Variants in HCN1 observed in about 807,000 individuals in gnomAD.
HCN1 encodes hyperpolarization activated cyclic nucleotide gated potassium channel 1, also known as potassium/sodium hyperpolarization-activated cyclic nucleotide-gated channel 1.
HCN1 carries 13 observed loss-of-function variants against 78.9 expected under a neutral mutation model. The observed-to-expected ratio is 0.16, with a 90% CI of 0.11 to 0.26. The LOEUF is 0.26. Ranked by LOEUF, HCN1 falls within the 10% of genes least tolerant of loss-of-function variation. The pLI, the probability that HCN1 is intolerant of heterozygous loss-of-function variation, is 1.00. For missense variants in HCN1, 810 were observed against 1,154.3 expected, an observed-to-expected ratio of 0.70 and a Z score of 4.32; for synonymous variants, 552 against 455.5, an observed-to-expected ratio of 1.21 and a Z score of -2.70.
chr5:45,455,500 T>C (rs1257363942), intron 3 of HCN1, among the ~76,000 whole-genome samples: 1 of 151,968 alleles, frequency 6.6e-6, no homozygotes, highest in Admixed American at 6.6e-5. Flanking sequence ...GTGCCTAGAA[T>C]AATGTCTGGA....
At chr5:45,656,389 G>A (rs1340856279) in intron 1 of HCN1, among the ~76,000 whole-genome samples, 1 of 152,056 alleles carries the variant, frequency 6.6e-6, no homozygotes, top group Non-Finnish European at 1.5e-5. Context: ...TCTAGGTTAG[G>A]CTTTATAAAG....
At chr5:45,669,749 G>T (rs1467344197) in intron 1 of HCN1, among the ~76,000 whole-genome samples, 1 of 151,700 alleles carries the variant, frequency 6.6e-6, no homozygotes, top group Non-Finnish European at 1.5e-5. Context: ...TGAAAGCAAT[G>T]GTAATGAGGT....
intron 2 of HCN1, among the ~76,000 whole-genome samples, chr5:45,634,507 T>C (rs986915112): frequency 1.3e-5 from 2 of 152,018 alleles, no homozygotes; most frequent in African/African-American, 2.4e-5. Context: ...TGAATGCATC[T>C]ACTACCTTGC....
intron 6 of HCN1, among the ~76,000 whole-genome samples, chr5:45,302,838 T>C (rs1464572426): frequency 1.3e-5 from 2 of 151,772 alleles, no homozygotes; most frequent in African/African-American, 2.4e-5. Context: ...TCATCAGGGG[T>C]TTCTGCTTTT....
At chr5:45,562,734 T>G (rs1743629786) in intron 2 of HCN1, among the ~76,000 whole-genome samples, 1 of 152,130 alleles carries the variant, frequency 6.6e-6, no homozygotes, top group Admixed American at 6.5e-5. Flanking sequence ...GAATTGCCAC[T>G]TTTTCTTTCT....
intron 3 of HCN1, among the ~76,000 whole-genome samples, chr5:45,422,087 T>G (rs984922998): frequency 1.3e-5 from 2 of 152,144 alleles, no homozygotes; most frequent in African/African-American, 2.4e-5. Flanking sequence ...ATATAACAAG[T>G]GCCCTGCCCA....
intron 3 of HCN1, among the ~76,000 whole-genome samples, chr5:45,422,186 T>G (rs576617227): frequency 3.2e-4 from 49 of 152,294 alleles, no homozygotes; most frequent in Admixed American, 1.2e-3. Context: ...TTATTGCCAT[T>G]AGATCATGTT....
chr5:45,417,433 G>A (rs1740139260), intron 3 of HCN1, among the ~76,000 whole-genome samples: 1 of 151,860 alleles, frequency 6.6e-6, no homozygotes, highest in South Asian at 2.1e-4. Context: ...ACTAAGTCCT[G>A]TAGTATTTGA....
At chr5:45,401,951 T>G (rs1377803835) in intron 3 of HCN1, among the ~76,000 whole-genome samples, 1 of 152,120 alleles carries the variant, frequency 6.6e-6, no homozygotes, top group African/African-American at 2.4e-5. Context: ...GGGTTTAAAC[T>G]GAACTACTGT....
chr5:45,383,756 T>C (rs1277606228), intron 4 of HCN1, among the ~76,000 whole-genome samples: 1 of 151,840 alleles, frequency 6.6e-6, no homozygotes. Context: ...ATATGAAAAC[T>C]ATTAACTTTA....
chr5:45,482,442 CACAGTTTAGA>C (rs1741673695), intron 2 of HCN1, among the ~76,000 whole-genome samples: 1 of 152,018 alleles, frequency 6.6e-6, no homozygotes, highest in Admixed American at 6.6e-5. Context: ...CTGGAGTTGT[CACAGTTTAGA>C]ACAAAAAATG....
At chr5:45,643,124 T>C (rs1400956295) in intron 2 of HCN1, 1 of 152,120 alleles carries the variant, frequency 6.6e-6, no homozygotes, top group Non-Finnish European at 1.5e-5. Flanking sequence ...CTAAATTTTA[T>C]CATGGCATCT....
At chr5:45,667,363 A>AT in intron 1 of HCN1, among the ~76,000 whole-genome samples, 1 of 152,136 alleles carries the variant, frequency 6.6e-6, no homozygotes, top group South Asian at 2.1e-4. Flanking sequence ...AGGGAAATCT[A>AT]TTAGTTTCCT....
At chr5:45,307,314 G>T (rs138458434) in intron 5 of HCN1, among the ~76,000 whole-genome samples, 15 of 152,170 alleles carry the variant, frequency 9.9e-5, no homozygotes, top group African/African-American at 2.4e-4. Context: ...CAAAAAGTTG[G>T]AGAATAATTA....
intron 3 of HCN1, among the ~76,000 whole-genome samples, chr5:45,409,603 A>G (rs1342442095): frequency 6.6e-6 from 1 of 151,950 alleles, no homozygotes. Context: ...CATGGTGCAA[A>G]CATCTCTGAT....
chr5:45,390,761 A>C (rs547467936), intron 4 of HCN1, among the ~76,000 whole-genome samples: 2 of 152,244 alleles, frequency 1.3e-5, no homozygotes, highest in South Asian at 4.1e-4. Flanking sequence ...TATTTAGTTA[A>C]ATTAAGTCTC....
Position 45,549,684 on chromosome 5 carries a change from A to G in HCN1, c.850-87677T>C, listed in dbSNP as rs1481517535. On this transcript the variant is annotated intron_variant, in intron 2 of 7. Coordinates refer to ENST00000303230, the MANE Select transcript of HCN1 (RefSeq NM_021072.4). ...AACTCAAGAGCTTCTGCACAGCAAA[A>G]GAAACTACCATCAGAGTGAACAGGC... Among the ~76,000 whole-genome samples, 4 of 152,330 alleles carry G rather than the reference A, an allele frequency of 2.6e-5. No individual in the cohort carries two copies. The East Asian group carries it at 7.7e-4, about 29-fold the overall frequency.
chr5:45,551,665 A>T (rs1406804045), intron 2 of HCN1, among the ~76,000 whole-genome samples: 1 of 151,978 alleles, frequency 6.6e-6, no homozygotes, highest in Non-Finnish European at 1.5e-5. Flanking sequence ...CTTTCATATT[A>T]TATTCTACTT....
chr5:45,368,354 T>C (rs1037468195), intron 4 of HCN1, among the ~76,000 whole-genome samples: 1 of 151,962 alleles, frequency 6.6e-6, no homozygotes, highest in Non-Finnish European at 1.5e-5. Context: ...AATGAGAAAA[T>C]TATAGCAAAA....
Sources: allele counts gnomAD v4.1 joint callset (sites outside exome capture counted in the v4.1 genomes callset), GRCh38; gene constraint gnomAD v4.1.1; transcripts MANE v1.5; gene names NCBI Gene and HGNC (gene_info 2026-07-23, HGNC 2026-07-21).